HSD17B2: variants seen among roughly 807,000 people sequenced by gnomAD.
HSD17B2 encodes hydroxysteroid 17-beta dehydrogenase 2, also known as 17-beta-hydroxysteroid dehydrogenase type 2.
Under a neutral mutation model 26.9 loss-of-function variants are expected in HSD17B2, and 32 were observed. The observed-to-expected ratio is 1.19, with a 90% CI of 0.90 to 1.60. HSD17B2 has a LOEUF of 1.60. HSD17B2 is among the 40% of genes most tolerant of loss of function. HSD17B2 has a pLI of 0.00. For synonymous variants in HSD17B2, 246 were observed against 186.7 expected (o/e 1.32, Z -2.59); for missense variants, 613 against 468.6 (o/e 1.31, Z -2.85).
chr16:82,045,903 C>G (rs1288948442), intron 1 of HSD17B2, among the ~76,000 whole-genome samples: 1 of 152,264 alleles, frequency 6.6e-6, no homozygotes, highest in Non-Finnish European at 1.5e-5. Flanking sequence ...ATAATTTACC[C>G]TGAGCTGTCT....
At chr16:82,085,182 C>G (rs1222614006) in intron 3 of HSD17B2, among the ~76,000 whole-genome samples, 1 of 152,176 alleles carries the variant, frequency 6.6e-6, no homozygotes, top group Admixed American at 6.5e-5. Context: ...CTTTTCCTTG[C>G]TGAGCCAGCT....
At chr16:82,067,338 G>T (rs905300680) in intron 1 of HSD17B2, among the ~76,000 whole-genome samples, 4 of 152,196 alleles carry the variant, frequency 2.6e-5, no homozygotes, top group Admixed American at 6.5e-5. Flanking sequence ...GGTGTATGTA[G>T]CTCAAAGGGT....
At chr16:82,086,258 A>T (rs1342943760) in intron 3 of HSD17B2, among the ~76,000 whole-genome samples, 1 of 152,222 alleles carries the variant, frequency 6.6e-6, no homozygotes, top group Non-Finnish European at 1.5e-5. Flanking sequence ...TGGCTAAATA[A>T]AATGTGGCAT....
intron 3 of HSD17B2, among the ~76,000 whole-genome samples, chr16:82,073,332 C>G (rs1372685779): frequency 1.3e-5 from 2 of 151,970 alleles, no homozygotes; most frequent in Admixed American, 6.6e-5. Flanking sequence ...TCACGCCATT[C>G]TCCTGCCTCA....
intron 3 of HSD17B2, chr16:82,072,004 TTG>T (rs1359315061): frequency 1.3e-5 from 2 of 152,250 alleles, no homozygotes; most frequent in Non-Finnish European, 2.9e-5. Flanking sequence ...TGCTTGACTT[TTG>T]TGTTTTGTGC....
At position 82,063,123 on chromosome 16, in the gene HSD17B2, G is replaced by A. The variant is rs537108844; in HGVS notation, c.266-5047G>A. ...ATGTGAGGAAGTGGAGGTTCCACAT[G>A]GTTATATGTGACTTTCCCAAGGCTT... On this transcript the variant is annotated intron_variant, in intron 1 of 4. Coordinates refer to ENST00000199936, the MANE Select transcript of HSD17B2 (RefSeq NM_002153.3). 8 of 152,308 alleles carry A rather than the reference G, an allele frequency of 5.3e-5. No individual in the cohort carries two copies. The East Asian group carries it at 1.5e-3, about 29-fold the overall frequency. 9.4% of individuals were successfully genotyped at this position (152,308 alleles called of 1,614,324 possible).
At chr16:82,070,508 T>C (rs1043818786) in intron 2 of HSD17B2, among the ~76,000 whole-genome samples, 1 of 152,228 alleles carries the variant, frequency 6.6e-6, no homozygotes, top group South Asian at 2.1e-4. Flanking sequence ...CCTTTAGACA[T>C]ACAGAGCCTC....
Position 82,061,650 on chromosome 16 carries a change from G to A in HSD17B2, c.266-6520G>A, listed in dbSNP as rs8191119. Among the ~76,000 whole-genome samples, 24 of 152,124 alleles carry A rather than the reference G, an allele frequency of 1.6e-4. 1 individual carries two copies. The highest frequency in any genetic ancestry group is 7.9e-4 in the Admixed American group (12 of 15,282). On this transcript the variant is annotated intron_variant, in intron 1 of 4. Coordinates refer to ENST00000199936, the MANE Select transcript of HSD17B2 (RefSeq NM_002153.3). ...TAATTTAAAAATCAGCTGTCAAATT[G>A]TATGTGTGCTATAACTGTTAAAGAA... is the stretch of plus-strand genomic sequence containing the variant.
At chr16:82,047,408 C>T (rs1404252245) in intron 1 of HSD17B2, among the ~76,000 whole-genome samples, 5 of 152,194 alleles carry the variant, frequency 3.3e-5, no homozygotes, top group African/African-American at 4.8e-5. Flanking sequence ...TCCATTCATT[C>T]GTTATTTCAC....
chr16:82,081,117 T>A (rs1904367384), intron 3 of HSD17B2, among the ~76,000 whole-genome samples: 1 of 152,142 alleles, frequency 6.6e-6, no homozygotes, highest in African/African-American at 2.4e-5. Context: ...CATCTACTCT[T>A]AGCTGCTCAA....
At chr16:82,083,725 C>T (rs1253301945) in intron 3 of HSD17B2, among the ~76,000 whole-genome samples, 1 of 152,156 alleles carries the variant, frequency 6.6e-6, no homozygotes, top group Non-Finnish European at 1.5e-5. Context: ...CCTTCATCCT[C>T]TGCCCCGTCA....
intron 3 of HSD17B2, among the ~76,000 whole-genome samples, chr16:82,087,347 C>T (rs1304548592): frequency 1.3e-5 from 2 of 152,160 alleles, no homozygotes; most frequent in African/African-American, 4.8e-5. Context: ...TGTAACTGGA[C>T]AGACAATGAA....
rs538425787 is a variant in HSD17B2 at position 82,091,180 on chromosome 16, C to G, written c.802+141C>G. ...CAGAGATCAGTTAAAGGGGTGAAAA[C>G]AGGTTTGATTCAGTAACTGCTGACA... On this transcript the variant is annotated intron_variant, in intron 4 of 4. Coordinates refer to ENST00000199936, the MANE Select transcript of HSD17B2 (RefSeq NM_002153.3). 1.9e-5 allele frequency: 16 copies of G among 849,226 alleles called. No individual in the cohort carries two copies. In the African/African-American group the frequency reaches 2.6e-4, roughly 14 times the overall value. The allele number at this position is 849,226 out of a possible 1,614,324, so 52.6% of individuals were successfully genotyped here. A position where few individuals can be genotyped will look rare whatever the true frequency, so the allele number is the denominator to read the frequency against.
At chr16:82,048,979 C>T (rs148258529) in intron 1 of HSD17B2, among the ~76,000 whole-genome samples, 15 of 152,240 alleles carry the variant, frequency 9.9e-5, no homozygotes, top group Non-Finnish European at 2.1e-4. Flanking sequence ...AACCAGAGAA[C>T]GCATTATGAT....
intron 1 of HSD17B2, among the ~76,000 whole-genome samples, chr16:82,056,050 A>G (rs760201377): frequency 6.6e-6 from 1 of 152,222 alleles, no homozygotes; most frequent in Non-Finnish European, 1.5e-5. Flanking sequence ...AATCACAGAC[A>G]TCTTGGATTT....
At chr16:82,036,660 T>C (rs373078637) in intron 1 of HSD17B2, among the ~76,000 whole-genome samples, 1 of 152,244 alleles carries the variant, frequency 6.6e-6, no homozygotes, top group African/African-American at 2.4e-5. Context: ...TAAAGTAAAA[T>C]GCTTTCTTGA....
chr16:82,045,026 G>C (rs952963686), intron 1 of HSD17B2, among the ~76,000 whole-genome samples: 1 of 144,118 alleles, frequency 6.9e-6, no homozygotes, highest in Admixed American at 7.4e-5. Context: ...AGGAGGCTGA[G>C]ACAGGAAAAT....
chr16:82,089,543 G>C (rs1006309924), intron 3 of HSD17B2, among the ~76,000 whole-genome samples: 9 of 152,150 alleles, frequency 5.9e-5, no homozygotes, highest in Non-Finnish European at 1.0e-4. Context: ...TTCATATTCT[G>C]GGGCTGCTGT....
intron 1 of HSD17B2, among the ~76,000 whole-genome samples, chr16:82,057,315 C>A (rs911637094): frequency 2.0e-5 from 3 of 152,064 alleles, no homozygotes; most frequent in East Asian, 1.9e-4. Context: ...TCTCCTGCCT[C>A]AGCCTCCTGA....
Sources: allele counts gnomAD v4.1 joint callset (sites outside exome capture counted in the v4.1 genomes callset), GRCh38; gene constraint gnomAD v4.1.1; transcripts MANE v1.5; gene names NCBI Gene and HGNC (gene_info 2026-07-23, HGNC 2026-07-21).